Variants in ROBO2 observed in about 807,000 individuals in gnomAD.
ROBO2 encodes the protein roundabout guidance receptor 2, also known as roundabout homolog 2.
A neutral mutation model predicts 160.8 loss-of-function variants in ROBO2; 53 were observed. That is an observed-to-expected ratio of 0.33 (90% CI 0.26 to 0.41). The LOEUF is 0.41. Among genes scored for constraint, ROBO2 ranks in the 10% least tolerant of loss-of-function variants. The pLI, the probability that ROBO2 is intolerant of heterozygous loss-of-function variation, is 1.00. For missense variants in ROBO2, 1,577 were observed against 1,722.4 expected (o/e 0.92, Z 1.49); for synonymous variants, 664 against 611.7 (o/e 1.09, Z -1.26).
At chr3:76,979,352 C>G (rs988457141) in intron 2 of ROBO2, among the ~76,000 whole-genome samples, 1 of 152,030 alleles carries the variant, frequency 6.6e-6, no homozygotes, top group Non-Finnish European at 1.5e-5. Context: ...AATTTCTCAT[C>G]CCTCAGCTCC....
intron 2 of ROBO2, among the ~76,000 whole-genome samples, chr3:76,823,617 T>A (rs2066308101): frequency 6.6e-6 from 1 of 152,062 alleles, no homozygotes; most frequent in African/African-American, 2.4e-5. Context: ...TGCGATGAGC[T>A]CGCTCTCAAA....
chr3:76,262,135 T>C (rs1437954208), intron 2 of ROBO2, among the ~76,000 whole-genome samples: 3 of 152,182 alleles, frequency 2.0e-5, no homozygotes, highest in Admixed American at 2.0e-4. Flanking sequence ...TACCTTTGCA[T>C]ATACGTCTCC....
In ROBO2 at chr3:76,564,550, G is replaced by A. The variant is rs538679848; in HGVS notation, c.110-533464G>A. Among the ~76,000 whole-genome samples the A allele has an allele frequency of 2.0e-5, 3 of 152,286 alleles. No individual in the cohort carries two copies. In the East Asian group the frequency reaches 5.8e-4, roughly 30 times the overall value. On this transcript the variant is annotated intron_variant, in intron 2 of 26. Coordinates refer to the ROBO2 transcript ENST00000487694. ...CACATTTTTATCCAAATTGTATTAT[G>A]TGGTCCACATGTCAGTCAGAGAGCA...
At chr3:77,545,042 G>C (rs530493743) in intron 6 of ROBO2, among the ~76,000 whole-genome samples, 29 of 151,906 alleles carry the variant, frequency 1.9e-4, no homozygotes, top group Admixed American at 1.6e-3. Flanking sequence ...CTTATGTCTT[G>C]GTCTCATTAG....
chr3:76,151,031 C>T (rs561074244), intron 2 of ROBO2, among the ~76,000 whole-genome samples: 4 of 152,154 alleles, frequency 2.6e-5, no homozygotes, highest in African/African-American at 4.8e-5. Context: ...GTTGGGTCCT[C>T]TTAGCTTTGC....
At chr3:77,550,862 C>T (rs575628943) in exon 8 of ROBO2, 5 of 1,613,106 alleles carry the variant, frequency 3.1e-6, no homozygotes, top group South Asian at 1.1e-5. Context: ...ACAGTAGATG[C>T]TCAGTGTCAC....
intron 2 of ROBO2, among the ~76,000 whole-genome samples, chr3:76,790,461 A>C (rs2108725127): frequency 6.6e-6 from 1 of 151,800 alleles, no homozygotes; most frequent in Non-Finnish European, 1.5e-5. Context: ...TTCTCCACTT[A>C]AAATGGATTT....
chr3:76,092,091 T>C (rs2069258912), intron 2 of ROBO2, among the ~76,000 whole-genome samples: 1 of 152,140 alleles, frequency 6.6e-6, no homozygotes, highest in Non-Finnish European at 1.5e-5. Flanking sequence ...AATGTGTCAG[T>C]GTAAGTTCAT....
At chr3:77,299,565 C>T (rs2153410569) in intron 2 of ROBO2, among the ~76,000 whole-genome samples, 1 of 152,206 alleles carries the variant, frequency 6.6e-6, no homozygotes, top group Non-Finnish European at 1.5e-5. Flanking sequence ...CTTATAAAAC[C>T]ATCAGATTCC....
intron 2 of ROBO2, among the ~76,000 whole-genome samples, chr3:75,941,059 T>C (rs571680110): frequency 2.0e-5 from 3 of 152,298 alleles, no homozygotes; most frequent in Admixed American, 1.3e-4. Flanking sequence ...CTGGTAGCTA[T>C]GACCACAGGT....
intron 2 of ROBO2, among the ~76,000 whole-genome samples, chr3:76,879,394 A>T (rs2073112227): frequency 6.6e-6 from 1 of 152,124 alleles, no homozygotes; most frequent in South Asian, 2.1e-4. Flanking sequence ...GAGGTCCATG[A>T]AATATCATTT....
intron 2 of ROBO2, among the ~76,000 whole-genome samples, chr3:77,115,763 A>G (rs1579106350): frequency 6.6e-6 from 1 of 152,238 alleles, no homozygotes; most frequent in African/African-American, 2.4e-5. Context: ...AAGCAAATTT[A>G]GAATACTTTT....
At chr3:76,526,653 T>C (rs565060064) in intron 2 of ROBO2, among the ~76,000 whole-genome samples, 97 of 152,122 alleles carry the variant, frequency 6.4e-4, no homozygotes, top group African/African-American at 2.1e-3. Context: ...TAATTTTCTC[T>C]CCCAATGCAG....
intron 5 of ROBO2, among the ~76,000 whole-genome samples, chr3:77,518,600 A>T (rs2090271458): frequency 6.6e-6 from 1 of 151,440 alleles, no homozygotes; most frequent in East Asian, 1.9e-4. Flanking sequence ...GGTAGCTCTG[A>T]TCTACCCTAA....
chr3:75,953,482 G>A (rs529999620), intron 2 of ROBO2, among the ~76,000 whole-genome samples: 2 of 151,728 alleles, frequency 1.3e-5, no homozygotes, highest in Non-Finnish European at 2.9e-5. Context: ...TAATTTATCT[G>A]ACATGTGTTT....
intron 2 of ROBO2, among the ~76,000 whole-genome samples, chr3:77,461,650 T>A (rs554330905): frequency 7.9e-5 from 12 of 151,852 alleles, no homozygotes; most frequent in South Asian, 2.1e-4. Context: ...TTAAAAAAAA[T>A]TTTCTTTAAG....
chr3:76,766,595 A>T (rs1242821508), intron 2 of ROBO2, among the ~76,000 whole-genome samples: 1 of 151,792 alleles, frequency 6.6e-6, no homozygotes, highest in East Asian at 2.0e-4. Context: ...TGAGAAACGT[A>T]ATGCTTAACA....
chr3:77,137,522 G>A (rs772656960), intron 2 of ROBO2, among the ~76,000 whole-genome samples: 3 of 152,196 alleles, frequency 2.0e-5, no homozygotes, highest in Non-Finnish European at 4.4e-5. Context: ...CAGGGCCCCC[G>A]GCCGTATATA....
intron 2 of ROBO2, among the ~76,000 whole-genome samples, chr3:76,742,791 C>T (rs73119330): frequency 2.0e-5 from 3 of 149,880 alleles, no homozygotes; most frequent in African/African-American, 7.4e-5. Flanking sequence ...CACCCACACA[C>T]ACACCCACCC....
Sources: gnomAD v4.1 joint callset for allele counts (sites outside exome capture counted in the v4.1 genomes callset) on GRCh38, gnomAD v4.1.1 for gene constraint, MANE v1.5 for transcripts, NCBI Gene and HGNC (gene_info 2026-07-23, HGNC 2026-07-21) for gene names.